FAM78B: variants seen among roughly 807,000 people sequenced by gnomAD.
The protein encoded by FAM78B is family with sequence similarity 78 member B.
FAM78B carries 10 observed loss-of-function variants against 20.0 expected under a neutral mutation model. The ratio of observed to expected loss-of-function variants is 0.50; its 90% CI spans 0.31 to 0.85. The LOEUF (loss-of-function observed/expected upper bound fraction) is 0.85, where lower values mean the gene tolerates loss of function less well. Ranked by LOEUF, FAM78B falls within the 40% of genes least tolerant of loss-of-function variation. FAM78B has a pLI of 0.05. For missense variants in FAM78B, 283 were observed against 345.0 expected (o/e 0.82, Z 1.42); for synonymous variants, 135 against 132.8 (o/e 1.02, Z -0.12).
intron 1 of FAM78B, among the ~76,000 whole-genome samples, chr1:166,108,836 G>A (rs757653953): frequency 2.0e-5 from 3 of 152,134 alleles, no homozygotes; most frequent in Non-Finnish European, 4.4e-5. Flanking sequence ...GAACAAAATA[G>A]AGAACCCAGA....
intron 1 of FAM78B, among the ~76,000 whole-genome samples, chr1:166,108,819 A>G (rs540339799): frequency 1.3e-5 from 2 of 152,332 alleles, no homozygotes; most frequent in African/African-American, 4.8e-5. Flanking sequence ...AGGCACATAG[A>G]CCAATGGAAC....
intron 1 of FAM78B, among the ~76,000 whole-genome samples, chr1:166,140,808 A>T (rs1655249408): frequency 6.6e-6 from 1 of 152,170 alleles, no homozygotes; most frequent in Admixed American, 6.5e-5. Flanking sequence ...TGTACTATGG[A>T]GAGGAAGTGA....
chr1:166,106,194 C>T (rs10918359), intron 1 of FAM78B, among the ~76,000 whole-genome samples: 25,712 of 117,076 alleles, frequency 0.22, 2,784 homozygotes, highest in Admixed American at 0.39. Flanking sequence ...CATCGCACAC[C>T]GGGGCCTGTT....
chr1:166,098,969 G>A (rs1571159877), intron 1 of FAM78B, among the ~76,000 whole-genome samples: 1 of 152,142 alleles, frequency 6.6e-6, no homozygotes, highest in East Asian at 1.9e-4. Context: ...TTAAGATGAA[G>A]GAAAGAATCT....
In FAM78B at chr1:166,109,864, A is replaced by ATG. The variant is rs1270011401; in HGVS notation, c.264-39103_264-39102dup. ...TGTATATATATATATATATATATGTATGTGTATATATATATATGTATATAT... is the reference window on the plus strand; with the variant it reads ...TGTATATATATATATATATATATGTATGTGTGTATATATATATATGTATATAT... On this transcript the variant is annotated intron_variant, in intron 1 of 1. Transcript: ENST00000354422. Among the ~76,000 whole-genome samples the ATG allele has an allele frequency of 2.0e-3, 28 of 14,244 alleles. 5 individuals carry two copies. The highest frequency in any genetic ancestry group is 4.3e-3 in the Admixed American group (5 of 1,172). 9.3% of individuals were successfully genotyped at this position (14,244 alleles called of 152,430 possible).
At chr1:166,106,575 AATTTAAGAGCATTTAAGGGC>A (rs1406393555) in intron 1 of FAM78B, among the ~76,000 whole-genome samples, 2 of 152,168 alleles carry the variant, frequency 1.3e-5, no homozygotes, top group African/African-American at 4.8e-5. Flanking sequence ...CATTTAAGTG[AATTTAAGAGCATTTAAGGGC>A]ATTTAAGTGA....
intron 1 of FAM78B, among the ~76,000 whole-genome samples, chr1:166,123,140 T>G (rs905223617): frequency 1.3e-5 from 2 of 152,216 alleles, no homozygotes; most frequent in Non-Finnish European, 2.9e-5. Flanking sequence ...GCAGAAAGGC[T>G]TTGGTTGCAA....
chr1:166,091,603 G>C (rs1653076589), intron 1 of FAM78B, among the ~76,000 whole-genome samples: 1 of 152,134 alleles, frequency 6.6e-6, no homozygotes, highest in Admixed American at 6.6e-5. Context: ...TTTACCAGCA[G>C]CATGAGGACA....
At chr1:166,060,394 A>G (rs371379895) in exon 3 of FAM78B, 20 of 366,450 alleles carry the variant, frequency 5.5e-5, no homozygotes, top group African/African-American at 3.6e-4. Context: ...CAGCAGGCAC[A>G]ACTCTCACTT....
chr1:166,123,615 A>C (rs980912155), intron 1 of FAM78B, among the ~76,000 whole-genome samples: 1 of 152,246 alleles, frequency 6.6e-6, no homozygotes, highest in Non-Finnish European at 1.5e-5. Flanking sequence ...ATCAGAAACC[A>C]ACTTGAAGAA....
chr1:166,150,062 G>C (rs1030252174), intron 1 of FAM78B, among the ~76,000 whole-genome samples: 16 of 152,174 alleles, frequency 1.1e-4, no homozygotes, highest in African/African-American at 3.9e-4. Context: ...TAGCTACTTC[G>C]GACTCTGATA....
At chr1:166,078,523 G>T (rs543497780) in intron 1 of FAM78B, among the ~76,000 whole-genome samples, 1 of 152,324 alleles carries the variant, frequency 6.6e-6, no homozygotes, top group Non-Finnish European at 1.5e-5. Context: ...TTAGAAGAAA[G>T]AGGTAAATTT....
chr1:166,132,942 T>G (rs1309694433), intron 1 of FAM78B, among the ~76,000 whole-genome samples: 1 of 152,198 alleles, frequency 6.6e-6, no homozygotes, highest in Non-Finnish European at 1.5e-5. Context: ...GGGGTGTAAC[T>G]GCCATATTTA....
chr1:166,074,203 C>T (rs1170523618), intron 1 of FAM78B, among the ~76,000 whole-genome samples: 1 of 152,204 alleles, frequency 6.6e-6, no homozygotes, highest in Non-Finnish European at 1.5e-5. Flanking sequence ...ACAGGACATA[C>T]ATGGCTCTCC....
chr1:166,152,655 G>GATTGATTGATTGATTT (rs369101683), intron 1 of FAM78B, among the ~76,000 whole-genome samples: 14 of 140,474 alleles, frequency 1.0e-4, no homozygotes, highest in African/African-American at 4.1e-4. Flanking sequence ...TGGTACTCTG[G>GATTGATTGATTGATTT]ATTTATTTAT....
At chr1:166,073,532 CTCTCT>C (rs1312176814) in intron 1 of FAM78B, among the ~76,000 whole-genome samples, 2 of 131,266 alleles carry the variant, frequency 1.5e-5, no homozygotes, top group East Asian at 2.0e-4. Flanking sequence ...CTTTCTCTTT[CTCTCT>C]TTTTTTTTTT....
chr1:166,130,619 T>TC (rs2101778287), intron 1 of FAM78B, among the ~76,000 whole-genome samples: 1 of 152,226 alleles, frequency 6.6e-6, no homozygotes, highest in East Asian at 1.9e-4. Context: ...CTGCTGCCAC[T>TC]CCAACAAAGA....
At chr1:166,111,587 C>G (rs1400109473) in intron 1 of FAM78B, among the ~76,000 whole-genome samples, 2 of 152,178 alleles carry the variant, frequency 1.3e-5, no homozygotes, top group Non-Finnish European at 2.9e-5. Flanking sequence ...CTGGGAATAT[C>G]ACTTCCTTTT....
At chr1:166,112,534 T>C (rs895666831) in intron 1 of FAM78B, among the ~76,000 whole-genome samples, 6 of 152,150 alleles carry the variant, frequency 3.9e-5, no homozygotes, top group Non-Finnish European at 7.3e-5. Flanking sequence ...GAAAAAAAGA[T>C]ACTAATTCTT....
Sources: allele counts gnomAD v4.1 joint callset (sites outside exome capture counted in the v4.1 genomes callset), GRCh38; gene constraint gnomAD v4.1.1; transcripts MANE v1.5; gene names NCBI Gene and HGNC (gene_info 2026-07-23, HGNC 2026-07-21).